Variants in ZNF606 observed in about 807,000 individuals in gnomAD.
The protein encoded by ZNF606 is zinc finger protein 606, also known as zinc finger protein 328.
Under a neutral mutation model 74.9 loss-of-function variants are expected in ZNF606, and 37 were observed. The ratio of observed to expected loss-of-function variants is 0.49; its 90% CI spans 0.38 to 0.65. ZNF606 has a LOEUF of 0.65. Among genes scored for constraint, ZNF606 ranks in the 30% least tolerant of loss-of-function variants. ZNF606 has a pLI of 0.00. For synonymous variants in ZNF606, 328 were observed against 312.4 expected, an observed-to-expected ratio of 1.05 and a Z score of -0.53; for missense variants, 852 against 952.9, an observed-to-expected ratio of 0.89 and a Z score of 1.39.
intron 4 of ZNF606, among the ~76,000 whole-genome samples, chr19:57,990,446 G>A (rs930289805): frequency 2.6e-5 from 4 of 151,332 alleles, no homozygotes; most frequent in African/African-American, 9.7e-5. Context: ...CTGAAGAAGT[G>A]GGAGGATAGC....
At chr19:57,988,436 T>G in intron 5 of ZNF606, 134 bp from the exon 6 acceptor site, 1 of 1,379,144 alleles carries the variant, frequency 7.3e-7, no homozygotes, top group South Asian at 1.3e-5. Flanking sequence ...CTCCATGCTC[T>G]TTAAGCATTA....
intron 4 of ZNF606, among the ~76,000 whole-genome samples, chr19:57,993,604 T>C (rs1414255494): frequency 6.6e-6 from 1 of 152,164 alleles, no homozygotes; most frequent in East Asian, 1.9e-4. Flanking sequence ...TCGCACAGCT[T>C]TGCAAGTGCC....
Position 58,000,688 on chromosome 19 carries a change from G to A in ZNF606, c.83C>T (p.Ser28Phe), listed in dbSNP as rs761358142. The A allele has an allele frequency of 6.2e-6, 10 of 1,613,672 alleles. No individual in the cohort carries two copies. The African/African-American group carries it at 9.3e-5, about 15-fold the overall frequency. ...WGMTAVDPWA[S>F]WALCPQYPAW... ...TGACCAGGCTCTTGACTCACCCCAG[G>A]AGGCCCATGGGTCAACAGCTGTCAT... Residue 28 changes from serine to phenylalanine, a missense_variant, in exon 3 of 7, where the codon TCC becomes TTC. Transcript: ENST00000551380.
At chr19:57,982,099 T>C in intron 6 of ZNF606, among the ~76,000 whole-genome samples, 1 of 152,318 alleles carries the variant, frequency 6.6e-6, no homozygotes, top group East Asian at 1.9e-4. Context: ...TTATGATCTT[T>C]CCGTTCTGGA....
chr19:58,000,718 C>G lies in ZNF606; in HGVS notation c.53G>C (p.Trp18Ser). 1 of 1,592,726 alleles carries G rather than the reference C, an allele frequency of 6.3e-7. No homozygotes were observed. Among genetic ancestry groups the G allele is most frequent in the South Asian group, 1.2e-5 (1 of 86,694 alleles). ...ASWGALTDQS[W>S]GMTAVDPWAS... ...CCATGGGTCAACAGCTGTCATCCCC[C>G]AAGATTGGTCCGTAAGGGCACCTGC... The change falls in exon 3 of 7, where the codon TGG (tryptophan) becomes TCG (serine). Residue 18 changes from tryptophan to serine, a missense_variant. Trp to Ser is a radical substitution (Grantham distance 177, BLOSUM62 -3). Coordinates refer to ENST00000551380, the MANE Select transcript of ZNF606 (RefSeq NM_001348022.3).
At chr19:58,002,038 C>G (rs1232901351) in intron 1 of ZNF606, 1 of 381,868 alleles carries the variant, frequency 2.6e-6, no homozygotes, top group African/African-American at 2.1e-5. Flanking sequence ...CGAATGGATT[C>G]CTGGGTATGT....
chr19:57,991,344 A>G (rs1295866739), intron 4 of ZNF606, among the ~76,000 whole-genome samples: 1 of 152,098 alleles, frequency 6.6e-6, no homozygotes, highest in Non-Finnish European at 1.5e-5. Flanking sequence ...TTCTTGGCCT[A>G]TGCAGCATTT....
chr19:57,992,840 G>A (rs2073280202), intron 4 of ZNF606, among the ~76,000 whole-genome samples: 1 of 152,252 alleles, frequency 6.6e-6, no homozygotes, highest in African/African-American at 2.4e-5. Context: ...GACAGCTGCT[G>A]AAGCTGGTCA....
chr19:57,986,192 G>A (rs984350480), intron 6 of ZNF606, among the ~76,000 whole-genome samples: 3 of 151,758 alleles, frequency 2.0e-5, no homozygotes, highest in Non-Finnish European at 2.9e-5. Flanking sequence ...AAACCTGTCC[G>A]ACAGGAAATG....
intron 4 of ZNF606, among the ~76,000 whole-genome samples, chr19:57,991,089 A>T (rs1440216624): frequency 6.6e-6 from 1 of 151,726 alleles, no homozygotes; most frequent in Non-Finnish European, 1.5e-5. Flanking sequence ...GGTACAGTGC[A>T]CCCTCGCCTT....
In ZNF606 at chr19:57,982,574, C is replaced by T. The variant is rs78953896; in HGVS notation, c.401-2295G>A. Among the ~76,000 whole-genome samples, 1,308 of 152,218 alleles carry T rather than the reference C, an allele frequency of 8.6e-3. 21 individuals are homozygous for T. Among genetic ancestry groups the T allele is most frequent in the Non-Finnish European group, 9.8e-3 (670 of 68,024 alleles). ...CCCAACAAGAACTAGACCTTGCCCT[C>T]TCTCTCTGCTTCTTTTTTTCTCTTT... On this transcript the variant is annotated intron_variant, in intron 6 of 6. Coordinates refer to ENST00000551380, the MANE Select transcript of ZNF606 (RefSeq NM_001348022.3).
At chr19:57,998,912 G>A (rs2073376019) in intron 4 of ZNF606, 1 of 152,358 alleles carries the variant, frequency 6.6e-6, no homozygotes, top group Non-Finnish European at 1.5e-5. Flanking sequence ...ATAGCTCCAA[G>A]GCCCTGGTCA....
rs1025795223 is a variant in ZNF606, at chr19:58,001,302, C to A, written c.18G>T (p.Pro6=). The stretch of plus-strand genomic sequence containing the variant: ...ACTTGGACTCACCCCAGGAGGCCCA[C>A]GGGTTGATGGCTGCCATCCCGAGGA... The part of the protein sequence containing the change: MAAIN[P]WASWGALTDQ... Residue 6 remains proline, a synonymous_variant, in exon 2 of 7, where the codon CCG becomes CCT. Coordinates refer to ENST00000551380, the MANE Select transcript of ZNF606 (RefSeq NM_001348022.3). 6.2e-7 allele frequency: 1 copy of A among 1,614,120 alleles called. No individual in the cohort carries two copies.
At chr19:57,994,294 G>T (rs991018167) in intron 4 of ZNF606, among the ~76,000 whole-genome samples, 1 of 151,864 alleles carries the variant, frequency 6.6e-6, no homozygotes, top group Non-Finnish European at 1.5e-5. Context: ...ATGGAATATA[G>T]AGAGATCAGA....
At chr19:57,991,036 C>A (rs965712635) in intron 4 of ZNF606, among the ~76,000 whole-genome samples, 2 of 152,130 alleles carry the variant, frequency 1.3e-5, no homozygotes, top group Non-Finnish European at 2.9e-5. Flanking sequence ...ACGCCTCCTG[C>A]ACCCTCGTCC....
In ZNF606 at chr19:57,978,031, C is replaced by G. The variant is rs60410023; in HGVS notation, c.*270G>C. On this transcript the variant is annotated 3_prime_UTR_variant, in exon 7 of 7. Transcript: ENST00000551380. This position sits in a 1 kb window ranked among gnomAD's most constrained non-coding sequence, Gnocchi z 4.4. ...TGCCTCATTCCCCACAGTCATGGTC[C>G]TCAAGTATGAATTACTGGTAGACCA... 21,883 of 277,692 alleles carry G rather than the reference C, an allele frequency of 0.079. 1,010 individuals are homozygous for G. Among genetic ancestry groups the G allele is most frequent in the Middle Eastern group, 0.12 (110 of 896 alleles). The allele number at this position is 277,692 out of a possible 1,614,324, so 17.2% of individuals were successfully genotyped here.
chr19:58,000,153 C>G (rs1310822460), intron 3 of ZNF606: 3 of 522,034 alleles, frequency 5.7e-6, no homozygotes, highest in African/African-American at 1.9e-5. Flanking sequence ...CTTCCTGGGC[C>G]TGAACCCTAA....
chr19:57,988,768 A>G, intron 4 of ZNF606, 47 bp from the exon 5 acceptor site: 8 of 1,612,298 alleles, frequency 5.0e-6, no homozygotes, highest in Non-Finnish European at 6.8e-6. Flanking sequence ...CACCCCCTCC[A>G]ATATTTCCAG....
intron 2 of ZNF606, 118 bp downstream of exon 2, chr19:58,001,171 A>G: frequency 8.2e-7 from 1 of 1,215,758 alleles, no homozygotes. Context: ...CTAATTTTGT[A>G]CCAAGATAGA....
Sources: allele counts gnomAD v4.1 joint callset (sites outside exome capture counted in the v4.1 genomes callset), GRCh38; gene constraint gnomAD v4.1.1; non-coding constraint Gnocchi (gnomAD v3.1); transcripts MANE v1.5; gene names NCBI Gene and HGNC (gene_info 2026-07-23, HGNC 2026-07-21).